The following PCDHAC1 variants were observed in gnomAD, a reference collection of about 807,000 sequenced individuals.
PCDHAC1 encodes protocadherin alpha subfamily C, 1.
Under a neutral mutation model 60.0 loss-of-function variants are expected in PCDHAC1, and 42 were observed. That is an observed-to-expected ratio of 0.70 (90% CI 0.55 to 0.90). The LOEUF is 0.90. PCDHAC1 is among the 40% of genes least tolerant of loss of function. PCDHAC1 has a pLI of 0.00. For missense variants in PCDHAC1, 1,160 were observed against 1,222.3 expected (o/e 0.95, Z 0.76); for synonymous variants, 468 against 499.3 (o/e 0.94, Z 0.84).
intron 3 of PCDHAC1, among the ~76,000 whole-genome samples, chr5:140,993,514 A>T (rs1239398977): frequency 6.6e-6 from 1 of 150,498 alleles, no homozygotes; most frequent in East Asian, 1.9e-4. Flanking sequence ...ACACACGGGG[A>T]GAGAGAGACA....
At chr5:140,947,811 A>G (rs1554218329) in intron 1 of PCDHAC1, among the ~76,000 whole-genome samples, 1 of 151,582 alleles carries the variant, frequency 6.6e-6, no homozygotes, top group Admixed American at 6.6e-5. Flanking sequence ...TGCAGAGACT[A>G]TTTCTTCCTT....
intron 1 of PCDHAC1, among the ~76,000 whole-genome samples, chr5:140,952,925 G>T (rs144855694): frequency 8.2e-4 from 125 of 152,200 alleles, no homozygotes; most frequent in African/African-American, 2.8e-3. Flanking sequence ...GGCATGAGCA[G>T]GAGCAGGAGC....
At chr5:140,934,926 G>C (rs1054459840) in intron 1 of PCDHAC1, among the ~76,000 whole-genome samples, 1 of 152,116 alleles carries the variant, frequency 6.6e-6, no homozygotes, top group African/African-American at 2.4e-5. Flanking sequence ...TTCACATAAA[G>C]TTACAAAACT....
intron 3 of PCDHAC1, among the ~76,000 whole-genome samples, chr5:140,998,708 GC>G (rs1350967952): frequency 1.3e-5 from 2 of 152,024 alleles, no homozygotes; most frequent in Admixed American, 6.6e-5. Context: ...GGGATTACAA[GC>G]TTGCACCACC....
At chr5:141,004,054 G>A (rs2098150015) in intron 3 of PCDHAC1, among the ~76,000 whole-genome samples, 1 of 152,216 alleles carries the variant, frequency 6.6e-6, no homozygotes, top group Admixed American at 6.5e-5. Flanking sequence ...TGCTGATACT[G>A]GCCCCTGGTT....
At chr5:140,949,042 G>A (rs2094338452) in intron 1 of PCDHAC1, among the ~76,000 whole-genome samples, 2 of 151,644 alleles carry the variant, frequency 1.3e-5, no homozygotes, top group African/African-American at 2.4e-5. Flanking sequence ...TTAAAAGTAT[G>A]TTCTAATTTC....
intron 3 of PCDHAC1, among the ~76,000 whole-genome samples, chr5:141,006,067 A>T (rs1202024176): frequency 3.3e-5 from 5 of 151,950 alleles, no homozygotes; most frequent in African/African-American, 1.2e-4. Context: ...AGAAATAAAA[A>T]TCAGATTATT....
chr5:140,970,792 C>A (rs1554232742), intron 1 of PCDHAC1, among the ~76,000 whole-genome samples: 2 of 152,036 alleles, frequency 1.3e-5, no homozygotes, highest in African/African-American at 4.8e-5. Flanking sequence ...TATGTAATAT[C>A]CATATTGTTA....
intron 1 of PCDHAC1, among the ~76,000 whole-genome samples, chr5:140,961,632 A>G (rs373824042): frequency 7.9e-5 from 12 of 152,214 alleles, no homozygotes; most frequent in South Asian, 4.1e-4. Flanking sequence ...ATGAAAAACA[A>G]TCTTAAGTCT....
intron 1 of PCDHAC1, among the ~76,000 whole-genome samples, chr5:140,935,276 T>TA (rs1447867343): frequency 6.6e-6 from 1 of 152,226 alleles, no homozygotes; most frequent in African/African-American, 2.4e-5. Flanking sequence ...ACTAATCTAA[T>TA]AAAGTTCAGC....
Position 140,968,634 on chromosome 5 carries a change from A to G in PCDHAC1, c.2434-10315A>G, listed in dbSNP as rs782166097. ...GGGCAAAATGCTTGGCTTTTTTACC[A>G]TCTAGCCCAGACTTCTGACCTGGAC... On this transcript the variant is annotated intron_variant, in intron 1 of 3. Coordinates refer to ENST00000253807, the MANE Select transcript of PCDHAC1 (RefSeq NM_018898.5). 14 of 1,614,176 alleles carry G rather than the reference A, an allele frequency of 8.7e-6. 1 individual carries two copies. The South Asian group carries it at 1.3e-4, about 15-fold the overall frequency.
At chr5:140,968,345 G>A in intron 1 of PCDHAC1, 2 of 1,614,132 alleles carry the variant, frequency 1.2e-6, no homozygotes, top group Non-Finnish European at 8.5e-7. Flanking sequence ...CATTAACAGT[G>A]CCAGTGGCAG....
chr5:140,952,512 C>T (rs1381568463), intron 1 of PCDHAC1, among the ~76,000 whole-genome samples: 1 of 152,124 alleles, frequency 6.6e-6, no homozygotes, highest in Non-Finnish European at 1.5e-5. Flanking sequence ...TCCTCATCTC[C>T]ATCTGAGACC....
chr5:141,009,339 G>A (rs1328874922), intron 3 of PCDHAC1, among the ~76,000 whole-genome samples: 13 of 152,168 alleles, frequency 8.5e-5, no homozygotes, highest in African/African-American at 3.1e-4. Context: ...TGTGCCTGTA[G>A]TTCCAGCTAC....
At chr5:140,980,584 C>A (rs1447001293) in intron 2 of PCDHAC1, among the ~76,000 whole-genome samples, 1 of 151,934 alleles carries the variant, frequency 6.6e-6, no homozygotes, top group Non-Finnish European at 1.5e-5. Context: ...GAGCCAAGAT[C>A]GAGCCACTGC....
intron 1 of PCDHAC1, among the ~76,000 whole-genome samples, chr5:140,963,244 T>C (rs934081934): frequency 6.6e-6 from 1 of 151,988 alleles, no homozygotes; most frequent in Non-Finnish European, 1.5e-5. Flanking sequence ...ATGGATTAGG[T>C]AGGTTTTCAT....
At position 140,978,933 on chromosome 5, in the gene PCDHAC1, C is replaced by CT. The variant is rs1179085898; in HGVS notation, c.2434-13dup. The stretch of plus-strand genomic sequence containing the variant: ...TCTTGTCATTTTAACAGAAAACTCT[C>CT]TTTGTGATTTTGCAGCCACGACAGC... On this transcript the variant is annotated splice_polypyrimidine_tract_variant and intron_variant, in intron 1 of 3. Coordinates refer to ENST00000253807, the MANE Select transcript of PCDHAC1 (RefSeq NM_018898.5). 8 of 1,613,976 alleles carry CT rather than the reference C, an allele frequency of 5.0e-6. No homozygotes were observed. The highest frequency in any genetic ancestry group is 1.7e-5 in the Admixed American group (1 of 59,984).
At chr5:140,955,102 C>A (rs2095137498) in intron 1 of PCDHAC1, among the ~76,000 whole-genome samples, 1 of 151,988 alleles carries the variant, frequency 6.6e-6, no homozygotes, top group Admixed American at 6.6e-5. Context: ...GGTGTTATTT[C>A]TGAGTTCTCT....
At chr5:140,996,082 T>A (rs782553216) in intron 3 of PCDHAC1, among the ~76,000 whole-genome samples, 6 of 152,248 alleles carry the variant, frequency 3.9e-5, no homozygotes, top group Non-Finnish European at 7.3e-5. Context: ...AAGATGTTTT[T>A]GCTAGATTAC....
Sources: gnomAD v4.1 joint callset for allele counts (sites outside exome capture counted in the v4.1 genomes callset) on GRCh38, gnomAD v4.1.1 for gene constraint, MANE v1.5 for transcripts, NCBI Gene and HGNC (gene_info 2026-07-23, HGNC 2026-07-21) for gene names.